The following CHN1 variants were observed in gnomAD, a reference collection of about 807,000 sequenced individuals.
The protein encoded by CHN1 is chimerin 1.
A neutral mutation model predicts 59.5 loss-of-function variants in CHN1; 37 were observed. That is an observed-to-expected ratio of 0.62 (90% CI 0.48 to 0.82). The LOEUF is 0.82. Ranked by LOEUF, CHN1 falls within the 40% of genes least tolerant of loss-of-function variation. The pLI, the probability that CHN1 is intolerant of heterozygous loss-of-function variation, is 0.00. For synonymous variants in CHN1, 206 were observed against 200.4 expected (o/e 1.03, Z -0.24); for missense variants, 469 against 571.0 (o/e 0.82, Z 1.82).
At chr2:174,874,315 C>CT (rs1440357070) in intron 6 of CHN1, among the ~76,000 whole-genome samples, 1 of 152,148 alleles carries the variant, frequency 6.6e-6, no homozygotes, top group East Asian at 1.9e-4. Context: ...GGACTGCTAA[C>CT]TTAAGCCATT....
At chr2:174,885,741 G>A (rs1413764958) in intron 5 of CHN1, among the ~76,000 whole-genome samples, 2 of 152,244 alleles carry the variant, frequency 1.3e-5, no homozygotes, top group East Asian at 1.9e-4. Flanking sequence ...AAAGTGCTGG[G>A]ATTACATTCG....
rs114720697 is a variant in CHN1, at chr2:174,979,543, G to A, written c.19+25351C>T. 8.4e-3 allele frequency among the ~76,000 whole-genome samples: 1,282 copies of A among 152,246 alleles called. 12 individuals carry two copies. The highest frequency in any genetic ancestry group is 0.011 in the Non-Finnish European group (773 of 68,026). On this transcript the variant is annotated intron_variant, in intron 1 of 12. Transcript: ENST00000409900. The stretch of plus-strand genomic sequence containing the variant: ...TTAAGATGTACATAGGGCTGGGCGC[G>A]GTGGCTCATGCCTGTAATCCCAACA...
At chr2:174,895,047 GCGCACA>G (rs796703115) in intron 5 of CHN1, among the ~76,000 whole-genome samples, 7 of 147,144 alleles carry the variant, frequency 4.8e-5, no homozygotes, top group Admixed American at 1.4e-4. Flanking sequence ...ACACACACGC[GCGCACA>G]CACACACACA....
chr2:174,925,612 TAACAAG>T (rs748483978), intron 3 of CHN1, among the ~76,000 whole-genome samples: 14 of 152,210 alleles, frequency 9.2e-5, no homozygotes, highest in Non-Finnish European at 1.8e-4. Context: ...TTCATCTACA[TAACAAG>T]AACAAGAACC....
rs2105479908 is a variant in CHN1 at position 175,005,151 on chromosome 2, G to C, written c.-239C>G. ...CCAGGGAGCCCCGCTAGCTCTCCGC[G>C]AGCCGGCACTTGTCGCTGCCATCAG... On this transcript the variant is annotated 5_prime_UTR_variant, in exon 1 of 13. Transcript: ENST00000409900. The C allele has an allele frequency of 7.8e-7, 1 of 1,287,768 alleles. No individual in the cohort carries two copies. The highest frequency in any genetic ancestry group is 9.8e-7 in the Non-Finnish European group (1 of 1,015,554). The allele number at this position is 1,287,768 out of a possible 1,614,324, so 79.8% of individuals were successfully genotyped here.
At position 174,799,359 on chromosome 2, in the gene CHN1, C is replaced by T. The variant is rs1050144519; in HGVS notation, c.*757G>A. On this transcript the variant is annotated 3_prime_UTR_variant, in exon 13 of 13. Transcript: ENST00000409900. The stretch of plus-strand genomic sequence containing the variant: ...TAATAAATGGCCAAACACATTTTCC[C>T]GAATATTCTTATGAGAAAAAAGTAA... 3 of 398,076 alleles carry T rather than the reference C, an allele frequency of 7.5e-6. No homozygotes were observed. Among genetic ancestry groups the T allele is most frequent in the African/African-American group, 4.2e-5 (2 of 47,762 alleles). 24.7% of individuals were successfully genotyped at this position (398,076 alleles called of 1,614,324 possible).
intron 11 of CHN1, among the ~76,000 whole-genome samples, chr2:174,808,241 T>A (rs1574038620): frequency 6.6e-6 from 1 of 152,224 alleles, no homozygotes; most frequent in East Asian, 1.9e-4. Flanking sequence ...ATAGAAATTT[T>A]ATGTTTGCTG....
At chr2:174,801,834 CAAG>C (rs1035345048) in intron 11 of CHN1, 22 bp from the exon 12 acceptor site, 1 of 1,539,152 alleles carries the variant, frequency 6.5e-7, no homozygotes, top group African/African-American at 1.4e-5. Context: ...AGTCGAATAC[CAAG>C]AAGAAAAGAA....
chr2:174,848,169 G>A (rs920960690), intron 6 of CHN1, among the ~76,000 whole-genome samples: 13 of 152,152 alleles, frequency 8.5e-5, no homozygotes, highest in African/African-American at 2.9e-4. Context: ...TTTGTTGTGG[G>A]CTACACTTAC....
chr2:174,984,396 G>T (rs1691269259), intron 1 of CHN1, among the ~76,000 whole-genome samples: 1 of 134,010 alleles, frequency 7.5e-6, no homozygotes, highest in African/African-American at 2.9e-5. Context: ...TTTAGATGGA[G>T]TCTCGCTCTG....
intron 6 of CHN1, among the ~76,000 whole-genome samples, chr2:174,848,798 T>G (rs1401219574): frequency 6.6e-6 from 1 of 152,196 alleles, no homozygotes; most frequent in Non-Finnish European, 1.5e-5. Context: ...AGGCAAAATT[T>G]ATTTACATAG....
intron 3 of CHN1, 138 bp downstream of exon 3, chr2:174,944,750 G>A (rs1332424731): frequency 1.7e-6 from 1 of 605,914 alleles, no homozygotes; most frequent in Non-Finnish European, 2.9e-6. Context: ...TAAGAAAAAT[G>A]TATTCAAGTT....
chr2:174,812,250 T>TC (rs1197966486), intron 9 of CHN1, 59 bp downstream of exon 9: 1 of 1,436,730 alleles, frequency 7.0e-7, no homozygotes, highest in African/African-American at 1.4e-5. Context: ...CCAAAAGGCA[T>TC]CAGGATTGGT....
chr2:174,811,418 G>T (rs1685069273), intron 10 of CHN1, 93 bp downstream of exon 10: 1 of 793,370 alleles, frequency 1.3e-6, no homozygotes, highest in Admixed American at 3.0e-5. Flanking sequence ...CAATGATTTA[G>T]AAAAATAATG....
At chr2:174,963,436 G>A (rs1423048801) in intron 1 of CHN1, among the ~76,000 whole-genome samples, 1 of 152,120 alleles carries the variant, frequency 6.6e-6, no homozygotes, top group African/African-American at 2.4e-5. Context: ...AAGGATAGAT[G>A]GTTTTTAAAA....
At chr2:174,915,001 C>T in intron 5 of CHN1, 57 bp downstream of exon 5, 4 of 1,002,672 alleles carry the variant, frequency 4.0e-6, no homozygotes, top group Non-Finnish European at 5.9e-6. Flanking sequence ...AATTTAAAGC[C>T]CTATATTAAG....
intron 2 of CHN1, among the ~76,000 whole-genome samples, chr2:174,946,900 TAAAAAAAAAAAA>T (rs34155510): frequency 3.0e-5 from 3 of 100,218 alleles, no homozygotes; most frequent in East Asian, 3.0e-4. Flanking sequence ...CTAAAAAATG[TAAAAAAAAAAAA>T]AAAAAAAAAA....
At chr2:174,806,527 G>A (rs1169398321) in intron 11 of CHN1, among the ~76,000 whole-genome samples, 1 of 152,172 alleles carries the variant, frequency 6.6e-6, no homozygotes, top group Non-Finnish European at 1.5e-5. Flanking sequence ...CCTTGTGTAA[G>A]TCTCATTCCC....
chr2:174,990,551 A>C (rs1209517553), intron 1 of CHN1, among the ~76,000 whole-genome samples: 1 of 152,074 alleles, frequency 6.6e-6, no homozygotes, highest in African/African-American at 2.4e-5. Context: ...CAAGCCTTTA[A>C]GTATTCTGCA....
Sources: allele counts gnomAD v4.1 joint callset (sites outside exome capture counted in the v4.1 genomes callset), GRCh38; gene constraint gnomAD v4.1.1; transcripts MANE v1.5; gene names NCBI Gene and HGNC (gene_info 2026-07-23, HGNC 2026-07-21).